FMN1: variants seen among roughly 807,000 people sequenced by gnomAD.
FMN1 encodes formin-1.
Under a neutral mutation model 132.4 loss-of-function variants are expected in FMN1, and 110 were observed. The observed-to-expected ratio is 0.83, with a 90% CI of 0.71 to 0.97. The LOEUF (loss-of-function observed/expected upper bound fraction) is 0.97. Among genes scored for constraint, FMN1 ranks in the 50% least tolerant of loss-of-function variants. FMN1 has a pLI of 0.00. For synonymous variants in FMN1, 722 were observed against 651.7 expected (o/e 1.11, Z -1.64); for missense variants, 1,792 against 1,705.3 (o/e 1.05, Z -0.90).
chr15:33,139,169 A>G (rs1048702988), intron 4 of FMN1, among the ~76,000 whole-genome samples: 2 of 152,238 alleles, frequency 1.3e-5, no homozygotes, highest in Admixed American at 1.3e-4. Context: ...TGAGTCTAAT[A>G]ATTACATTGC....
At chr15:32,815,003 T>C (rs1467257816) in intron 17 of FMN1, among the ~76,000 whole-genome samples, 1 of 152,060 alleles carries the variant, frequency 6.6e-6, no homozygotes, top group Non-Finnish European at 1.5e-5. Context: ...AGTGCAGTGG[T>C]GCGATCTCGG....
intron 9 of FMN1, among the ~76,000 whole-genome samples, chr15:32,926,809 A>G (rs981594098): frequency 2.0e-5 from 3 of 152,148 alleles, no homozygotes; most frequent in Non-Finnish European, 4.4e-5. Context: ...TTTTGAGAGA[A>G]GGTCTAGCTC....
At position 32,982,111 on chromosome 15, in the gene FMN1, C is replaced by T. The variant is rs146107385; in HGVS notation, c.2224-12634G>A. ...CAGATAATCTACCAAGAGAGATATA[C>T]GAATAGCAAATAAGCACATAAAAAG... On this transcript the variant is annotated intron_variant, in intron 7 of 20. Coordinates refer to ENST00000616417, the MANE Select transcript of FMN1 (RefSeq NM_001277313.2). Among the ~76,000 whole-genome samples, 1,175 of 152,232 alleles carry T rather than the reference C, an allele frequency of 7.7e-3. 17 individuals carry two copies. Among genetic ancestry groups the T allele is most frequent in the African/African-American group, 0.026 (1,100 of 41,546 alleles).
intron 4 of FMN1, among the ~76,000 whole-genome samples, chr15:33,094,873 T>C (rs2039023290): frequency 1.3e-5 from 2 of 152,052 alleles, no homozygotes; most frequent in African/African-American, 2.4e-5. Flanking sequence ...ATGCTAACAA[T>C]GGATAGAGCA....
At chr15:33,019,208 G>C (rs2035271796) in intron 6 of FMN1, among the ~76,000 whole-genome samples, 1 of 152,138 alleles carries the variant, frequency 6.6e-6, no homozygotes, top group African/African-American at 2.4e-5. Context: ...CAATCCCTGA[G>C]CTAGACACAA....
intron 6 of FMN1, among the ~76,000 whole-genome samples, chr15:33,031,613 C>T (rs1036468491): frequency 7.9e-5 from 12 of 152,186 alleles, no homozygotes; most frequent in Non-Finnish European, 1.3e-4. Context: ...CCTGGAGCCG[C>T]GTTCACAGCT....
intron 7 of FMN1, among the ~76,000 whole-genome samples, chr15:32,986,259 T>C (rs977223826): frequency 8.5e-5 from 13 of 152,166 alleles, no homozygotes; most frequent in African/African-American, 3.1e-4. Context: ...GCTGACAGTG[T>C]ACAAATGATA....
intron 7 of FMN1, among the ~76,000 whole-genome samples, chr15:33,007,725 A>G (rs746771342): frequency 5.3e-5 from 8 of 152,240 alleles, no homozygotes; most frequent in Non-Finnish European, 8.8e-5. Flanking sequence ...TATATTTTAT[A>G]TAACAGCAGA....
At chr15:32,896,151 A>G (rs1420657035) in intron 15 of FMN1, among the ~76,000 whole-genome samples, 1 of 152,036 alleles carries the variant, frequency 6.6e-6, no homozygotes, top group South Asian at 2.1e-4. Context: ...TACTTGACAC[A>G]TATTTATTTA....
intron 9 of FMN1, among the ~76,000 whole-genome samples, chr15:32,953,636 T>C (rs1439164046): frequency 6.6e-6 from 1 of 152,140 alleles, no homozygotes; most frequent in Non-Finnish European, 1.5e-5. Context: ...AGGAAGTAAG[T>C]GGACAGTTTT....
rs2059014322 is a variant in FMN1 at position 32,851,751 on chromosome 15, G to A, written c.3928+5264C>T. On this transcript the variant is annotated intron_variant, in intron 17 of 20. Transcript: ENST00000616417. ...GAATGAAAAAGACATAAGGATAAAC[G>A]CATCATCTCCATCTGAGTGTGGCAA... Among the ~76,000 whole-genome samples, 3 of 152,088 alleles carry A rather than the reference G, an allele frequency of 2.0e-5. No individual in the cohort carries two copies. The South Asian group carries it at 6.2e-4, about 32-fold the overall frequency.
chr15:32,932,941 T>G (rs756531648), intron 9 of FMN1, among the ~76,000 whole-genome samples: 5 of 152,154 alleles, frequency 3.3e-5, no homozygotes, highest in African/African-American at 9.6e-5. Flanking sequence ...ACCAACTCGG[T>G]TGTGTTGACT....
At chr15:33,074,001 G>A (rs1280909247) in intron 5 of FMN1, among the ~76,000 whole-genome samples, 1 of 152,126 alleles carries the variant, frequency 6.6e-6, no homozygotes, top group African/African-American at 2.4e-5. Context: ...AGTGTACTGG[G>A]GCTACAGGCA....
At chr15:32,929,450 T>C (rs963255374) in intron 9 of FMN1, among the ~76,000 whole-genome samples, 2 of 152,214 alleles carry the variant, frequency 1.3e-5, no homozygotes, top group Non-Finnish European at 2.9e-5. Flanking sequence ...GTGCACAACA[T>C]GAAATGTATC....
intron 5 of FMN1, chr15:33,066,762 C>G (rs1351881830): frequency 6.2e-7 from 1 of 1,613,960 alleles, no homozygotes; most frequent in Non-Finnish European, 8.5e-7. Flanking sequence ...TCTTGGTCAG[C>G]ATTGCAGCCC....
chr15:32,796,917 C>T (rs1029370682), intron 19 of FMN1, among the ~76,000 whole-genome samples: 7 of 152,166 alleles, frequency 4.6e-5, no homozygotes, highest in African/African-American at 1.7e-4. Context: ...GATCCATCCT[C>T]ACAGAGCATG....
chr15:32,884,729 G>A (rs939966808), intron 16 of FMN1, among the ~76,000 whole-genome samples: 1 of 152,174 alleles, frequency 6.6e-6, no homozygotes, highest in African/African-American at 2.4e-5. Context: ...CAACTTCACA[G>A]TATCAGGGAA....
chr15:32,943,851 T>C (rs879257557), intron 9 of FMN1, among the ~76,000 whole-genome samples: 13 of 152,156 alleles, frequency 8.5e-5, no homozygotes, highest in Non-Finnish European at 1.5e-4. Context: ...AGACATCTAA[T>C]TGGGAAAACA....
intron 17 of FMN1, among the ~76,000 whole-genome samples, chr15:32,832,747 C>G (rs1319528827): frequency 1.3e-5 from 2 of 152,052 alleles, no homozygotes; most frequent in Non-Finnish European, 2.9e-5. Context: ...CACTGCACTC[C>G]AGCCAGCAGA....
Sources: allele counts gnomAD v4.1 joint callset (sites outside exome capture counted in the v4.1 genomes callset), GRCh38; gene constraint gnomAD v4.1.1; transcripts MANE v1.5; gene names NCBI Gene and HGNC (gene_info 2026-07-23, HGNC 2026-07-21).